Variants in ZNF766 observed in about 807,000 individuals in gnomAD.
ZNF766 encodes the protein zinc finger protein 766.
ZNF766 carries 13 observed loss-of-function variants against 13.2 expected under a neutral mutation model. That is an observed-to-expected ratio of 0.98 (90% CI 0.64 to 1.56). ZNF766 has a LOEUF of 1.56. Ranked by LOEUF, ZNF766 falls within the 40% of genes most tolerant of loss-of-function variation. The pLI is 0.00. For synonymous variants in ZNF766, 178 were observed against 187.6 expected (o/e 0.95, Z 0.42); for missense variants, 521 against 552.2 (o/e 0.94, Z 0.57).
chr19:52,270,680 CACAGATGGGAG>C (rs1980937469), intron 1 of ZNF766, among the ~76,000 whole-genome samples: 1 of 151,572 alleles, frequency 6.6e-6, no homozygotes, highest in South Asian at 2.1e-4. Context: ...ACAGGAGGAG[CACAGATGGGAG>C]AAGAAAGAGG....
intron 2 of ZNF766, 51 bp downstream of exon 2, chr19:52,282,288 A>G: frequency 6.5e-7 from 1 of 1,531,068 alleles, no homozygotes; most frequent in Non-Finnish European, 8.8e-7. Context: ...GTATCTCTGC[A>G]TTTTCCCTTG....
rs558698868 is a variant in ZNF766, at chr19:52,283,392, G to T, written c.253G>T (p.Gly85Cys). 2 of 1,603,518 alleles carry T rather than the reference G, an allele frequency of 1.2e-6. No individual in the cohort carries two copies. Among genetic ancestry groups the T allele is most frequent in the Non-Finnish European group, 1.7e-6 (2 of 1,174,330 alleles). Residue 85 changes from glycine (G) to cysteine (C), a missense_variant, in exon 3 of 4, where the codon GGT becomes TGT. Gly to Cys is a radical substitution (Grantham distance 159). Coordinates refer to ENST00000439461, the MANE Select transcript of ZNF766 (RefSeq NM_001010851.3). The part of the protein sequence containing the change: ...KVAKNPDRWE[G>C]IKDINTGRSC... The stretch of plus-strand genomic sequence containing the variant: ...AGCAAAAAATCCAGATAGGTGGGAA[G>T]GTATCAAAGATATCAACACAGGTAA...
At chr19:52,286,076 G>A (rs1172255488) in intron 3 of ZNF766, among the ~76,000 whole-genome samples, 3 of 145,106 alleles carry the variant, frequency 2.1e-5, no homozygotes, top group Non-Finnish European at 4.6e-5. Flanking sequence ...AGCACAAGTG[G>A]GTACCACTGC....
chr19:52,275,869 C>T (rs767388733), intron 1 of ZNF766, among the ~76,000 whole-genome samples: 3 of 152,000 alleles, frequency 2.0e-5, no homozygotes, highest in African/African-American at 7.2e-5. Context: ...TTAGTAGAGA[C>T]GGGGTTTCCC....
rs753327829 is a variant in ZNF766 at position 52,290,886 on chromosome 19, G to A, written c.1095G>A (p.Arg365=). The change falls in exon 4 of 4, where the codon AGG becomes AGA. Residue 365 remains arginine (R), a synonymous_variant. Coordinates refer to ENST00000439461, the MANE Select transcript of ZNF766 (RefSeq NM_001010851.3). ...YKCKECDKAF[R]HKFSLTVHQR... ...GTAAAGAATGTGACAAAGCTTTTAG[G>A]CACAAGTTCTCCCTGACAGTTCATC... The A allele has an allele frequency of 2.5e-6, 4 of 1,613,812 alleles. No homozygotes were observed. The highest frequency in any genetic ancestry group is 3.4e-6 in the Non-Finnish European group (4 of 1,179,970).
At chr19:52,288,017 TTTTC>T (rs1201966004) in intron 3 of ZNF766, 1 of 432,410 alleles carries the variant, frequency 2.3e-6, no homozygotes, top group Non-Finnish European at 4.5e-6. Context: ...GTGTTCATTT[TTTTC>T]TTTTTCTTTT....
At position 52,295,038 on chromosome 19, in the gene ZNF766, A is replaced by G. The variant is rs1481576242; in HGVS notation, c.*3840A>G. ...GCTATGGAAATGTCATTTTCCCGTT[A>G]CAGCATCAAGCAATATATTCCATGG... On this transcript the variant is annotated 3_prime_UTR_variant, in exon 4 of 4. Coordinates refer to ENST00000439461, the MANE Select transcript of ZNF766 (RefSeq NM_001010851.3). 6.6e-6 allele frequency: 1 copy of G among 151,714 alleles called. No homozygotes were observed. The highest frequency in any genetic ancestry group is 1.5e-5 in the Non-Finnish European group (1 of 67,964). The allele number at this position is 151,714 out of a possible 1,614,324, so 9.4% of individuals were successfully genotyped here.
intron 1 of ZNF766, among the ~76,000 whole-genome samples, chr19:52,270,321 TC>T (rs1980921569): frequency 6.6e-6 from 1 of 151,458 alleles, no homozygotes; most frequent in South Asian, 2.1e-4. Flanking sequence ...ATGAGGAAGA[TC>T]CATAACAAGA....
rs1982135985 is a variant in ZNF766, at chr19:52,291,335, T to C, written c.*137T>C. ...AAATCACTAGACATCGAAACATTCA[T>C]CTTTGGTGAAACCACACAAATGGAT... On this transcript the variant is annotated 3_prime_UTR_variant, in exon 4 of 4. Coordinates refer to ENST00000439461, the MANE Select transcript of ZNF766 (RefSeq NM_001010851.3). The C allele has an allele frequency of 1.1e-6, 1 of 877,732 alleles. No homozygotes were observed. Among genetic ancestry groups the C allele is most frequent in the African/African-American group, 1.7e-5 (1 of 59,908 alleles). 54.4% of individuals were successfully genotyped at this position (877,732 alleles called of 1,614,324 possible).
intron 1 of ZNF766, chr19:52,274,417 T>C (rs62110398): frequency 0.18 from 28,055 of 152,456 alleles, 2,877 homozygotes; most frequent in African/African-American, 0.27. Flanking sequence ...AGTGCATTCC[T>C]TGTATTTGTG....
chr19:52,279,945 G>A (rs778332496), intron 1 of ZNF766, among the ~76,000 whole-genome samples: 2 of 151,326 alleles, frequency 1.3e-5, no homozygotes, highest in East Asian at 1.9e-4. Context: ...ACAGGTGCCC[G>A]CCACCACGCC....
intron 1 of ZNF766, among the ~76,000 whole-genome samples, chr19:52,278,796 C>G (rs1045976731): frequency 6.6e-6 from 1 of 152,100 alleles, no homozygotes; most frequent in Admixed American, 6.6e-5. Flanking sequence ...ATGCATAGTT[C>G]GCAAAAATTT....
chr19:52,291,479 C>T lies in ZNF766; in HGVS notation c.*281C>T. 3.2e-6 allele frequency: 1 copy of T among 312,060 alleles called. No homozygotes were observed. The highest frequency in any genetic ancestry group is 5.9e-6 in the Non-Finnish European group (1 of 169,928). 19.3% of individuals were successfully genotyped at this position (312,060 alleles called of 1,614,324 possible). A position where few individuals can be genotyped will look rare whatever the true frequency, so the allele number is the denominator to read the frequency against. ...TTCGGGTTATTAAAAATGTAATTGG[C>T]TGGGCGCAGTGGCTCACACCTGTAA... On this transcript the variant is annotated 3_prime_UTR_variant, in exon 4 of 4. Transcript: ENST00000439461.
Position 52,290,698 on chromosome 19 carries a change from A to G in ZNF766, c.907A>G (p.Lys303Glu), listed in dbSNP as rs777372156. 1.2e-6 allele frequency: 2 copies of G among 1,613,690 alleles called. No homozygotes were observed. The highest frequency in any genetic ancestry group is 2.7e-5 in the African/African-American group (2 of 74,912). Residue 303 changes from lysine to glutamate, a missense_variant, in exon 4 of 4, where the codon AAA becomes GAA. Physicochemically the swap from Lys to Glu is moderately conservative, Grantham distance 56. Transcript: ENST00000439461. ...TAGAGAGAAACCTCATAAATGTAAC[A>G]AATGTGGCAAGGTTTATAGTAGCAG... ...HTREKPHKCN[K>E]CGKVYSSSSY...
rs750877390 is a variant in ZNF766 at position 52,269,621 on chromosome 19, A to T, written c.8A>T (p.Gln3Leu). The T allele has an allele frequency of 6.2e-7, 1 of 1,612,836 alleles. No homozygotes were observed. Among genetic ancestry groups the T allele is most frequent in the East Asian group, 2.2e-5 (1 of 44,798 alleles). MA[Q>L]LRRGHLTFRD... ...AGTGGATGGCGTGGAGATATGGCGC[A>T]ACTGCGGCGCGTGAGTTTTCCTTTG... The change falls in exon 1 of 4, where the codon CAA (glutamine) becomes CTA (leucine). Residue 3 changes from glutamine (Q) to leucine (L), a missense_variant. Physicochemically the swap from Gln to Leu is moderately radical, Grantham distance 113. Coordinates refer to ENST00000439461, the MANE Select transcript of ZNF766 (RefSeq NM_001010851.3).
At position 52,282,177 on chromosome 19, in the gene ZNF766, G is replaced by A. The variant is rs1981561334; in HGVS notation, c.85G>A (p.Val29Met). Residue 29 changes from valine to methionine, a missense_variant, in exon 2 of 4, where the codon GTG (valine) becomes ATG (methionine). Transcript: ENST00000439461. ...SQEEWKCLDP[V>M]QKALYRDVML... ...GGAGGAGTGGAAATGCCTGGACCCT[G>A]TGCAGAAGGCTTTATACAGGGATGT... The A allele has an allele frequency of 1.2e-6, 2 of 1,606,380 alleles. No individual in the cohort carries two copies. The highest frequency in any genetic ancestry group is 1.7e-6 in the Non-Finnish European group (2 of 1,174,980).
In ZNF766 at chr19:52,281,845, G is replaced by A. The variant is rs769428447; in HGVS notation, c.19-266G>A. 18 of 536,578 alleles carry A rather than the reference G, an allele frequency of 3.4e-5. 2 individuals carry two copies. The highest frequency in any genetic ancestry group is 1.6e-4 in the South Asian group (11 of 68,582). The allele number at this position is 536,578 out of a possible 1,614,324, so 33.2% of individuals were successfully genotyped here. On this transcript the variant is annotated intron_variant, in intron 1 of 3. Transcript: ENST00000439461. ...CTGAGCTAGAATACAAGTAGTTGGC[G>A]TCTTCAGAGACACTTGTATGCTAGC...
In ZNF766 at chr19:52,290,769, T is replaced by A. The variant is rs377407453; in HGVS notation, c.978T>A (p.Leu326=). 1 of 1,613,756 alleles carries A rather than the reference T, an allele frequency of 6.2e-7. No individual in the cohort carries two copies. The highest frequency in any genetic ancestry group is 1.3e-5 in the African/African-American group (1 of 74,920). The change falls in exon 4 of 4, where the codon CTT becomes CTA. Residue 326 remains leucine, a synonymous_variant. Coordinates refer to ENST00000439461, the MANE Select transcript of ZNF766 (RefSeq NM_001010851.3). ...GGAGAATTCATACAGGAGAGAAACT[T>A]TACAAATGTAATAAATGTGGCAAAG... ...QHWRIHTGEK[L]YKCNKCGKEF...
rs768643902 is a variant in ZNF766, at chr19:52,290,094, A to C, written c.303A>C (p.Ala101=). The change falls in exon 4 of 4, where the codon GCA becomes GCC. Residue 101 remains alanine (A), a synonymous_variant. Coordinates refer to ENST00000439461, the MANE Select transcript of ZNF766 (RefSeq NM_001010851.3). ...GGAGCTGTGCAGTGAGAAGCAAAGC[A>C]GGAAACAAGCCTATTACAAATCAAC... ...TGRSCAVRSK[A]GNKPITNQLG... The C allele has an allele frequency of 1.2e-6, 2 of 1,612,642 alleles. No homozygotes were observed. The highest frequency in any genetic ancestry group is 2.2e-5 in the South Asian group (2 of 90,866).
Sources: allele counts gnomAD v4.1 joint callset (sites outside exome capture counted in the v4.1 genomes callset), GRCh38; gene constraint gnomAD v4.1.1; transcripts MANE v1.5; gene names NCBI Gene and HGNC (gene_info 2026-07-23, HGNC 2026-07-21).